The following ST7 variants were observed in gnomAD, a reference collection of about 807,000 sequenced individuals.
ST7 encodes the protein suppressor of tumorigenicity 7 protein.
Under a neutral mutation model 78.7 loss-of-function variants are expected in ST7, and 28 were observed. That is an observed-to-expected ratio of 0.36 (90% CI 0.26 to 0.49). The LOEUF (loss-of-function observed/expected upper bound fraction) is 0.49. Ranked by LOEUF, ST7 falls within the 20% of genes least tolerant of loss-of-function variation. The probability of loss-of-function intolerance (pLI) is 0.99; values close to 1 mark genes in which losing one functional copy is unlikely to be tolerated. For missense variants in ST7, 418 were observed against 696.0 expected, an observed-to-expected ratio of 0.60 and a Z score of 4.49; for synonymous variants, 247 against 249.6, an observed-to-expected ratio of 0.99 and a Z score of 0.10.
chr7:117,164,313 A>ACC (rs78593672), intron 9 of ST7, among the ~76,000 whole-genome samples: 12 of 151,168 alleles, frequency 7.9e-5, no homozygotes, highest in East Asian at 3.9e-4. Flanking sequence ...ATAAAACTAG[A>ACC]CCCCCCCACC....
chr7:117,188,651 G>C (rs1028893906), intron 10 of ST7, among the ~76,000 whole-genome samples: 2 of 152,058 alleles, frequency 1.3e-5, no homozygotes, highest in African/African-American at 4.8e-5. Flanking sequence ...GACAAGTGAG[G>C]CTTCATATGA....
chr7:117,052,872 C>T lies in ST7; in HGVS notation c.152-46890C>T, dbSNP rs143844107. On this transcript the variant is annotated intron_variant, in intron 1 of 15. Coordinates refer to ENST00000323984, the MANE Select transcript of ST7 (RefSeq NM_001369598.1). ...TCGCGCCACTGCACTGCAGCCTGGGCGACACAGCAAGATTACATCTCAAAA... is the reference window on the plus strand; with the variant it reads ...TCGCGCCACTGCACTGCAGCCTGGGTGACACAGCAAGATTACATCTCAAAA... Among the ~76,000 whole-genome samples, 1,481 of 152,194 alleles carry T rather than the reference C, an allele frequency of 9.7e-3. 35 individuals are homozygous for T. The highest frequency in any genetic ancestry group is 0.034 in the African/African-American group (1,404 of 41,518).
At chr7:117,064,983 G>A (rs892188818) in intron 1 of ST7, among the ~76,000 whole-genome samples, 2 of 152,106 alleles carry the variant, frequency 1.3e-5, no homozygotes, top group African/African-American at 4.8e-5. Flanking sequence ...TTTCCTTTGG[G>A]TGTATCTCTT....
intron 9 of ST7, among the ~76,000 whole-genome samples, chr7:117,138,762 C>T (rs980805430): frequency 1.3e-5 from 2 of 152,172 alleles, no homozygotes; most frequent in Non-Finnish European, 2.9e-5. Context: ...ACAACAATAA[C>T]AGTCCTCACA....
chr7:117,041,917 A>T (rs1337811452), intron 1 of ST7, among the ~76,000 whole-genome samples: 1 of 152,210 alleles, frequency 6.6e-6, no homozygotes, highest in Non-Finnish European at 1.5e-5. Context: ...GTGTAATCAC[A>T]AGGGTCCTTA....
chr7:117,107,855 C>T (rs1174014554), intron 2 of ST7, among the ~76,000 whole-genome samples: 2 of 151,774 alleles, frequency 1.3e-5, no homozygotes, highest in Admixed American at 6.6e-5. Context: ...CCTCAGGTGA[C>T]CCACCTGCCT....
intron 1 of ST7, among the ~76,000 whole-genome samples, chr7:117,045,117 A>G (rs1797429173): frequency 6.6e-6 from 1 of 151,956 alleles, no homozygotes; most frequent in South Asian, 2.1e-4. Context: ...CACCATTACT[A>G]CCTTAGTCCA....
intron 1 of ST7, among the ~76,000 whole-genome samples, chr7:117,065,501 G>A (rs1306565795): frequency 6.6e-6 from 1 of 152,154 alleles, no homozygotes; most frequent in African/African-American, 2.4e-5. Flanking sequence ...GAGCCACTGC[G>A]CCCGGCCTGA....
intron 1 of ST7, among the ~76,000 whole-genome samples, chr7:117,075,624 G>A (rs1349968268): frequency 1.3e-5 from 2 of 152,174 alleles, no homozygotes; most frequent in Non-Finnish European, 2.9e-5. Flanking sequence ...TCTGTGTGAG[G>A]CCTGAACCAG....
chr7:117,014,809 T>A (rs1258334231), intron 1 of ST7: 1 of 384,000 alleles, frequency 2.6e-6, no homozygotes, highest in African/African-American at 2.1e-5. Context: ...AAGGACGACT[T>A]TAAAAGACCA....
At chr7:117,063,527 G>A (rs974461674) in intron 1 of ST7, among the ~76,000 whole-genome samples, 4 of 151,996 alleles carry the variant, frequency 2.6e-5, no homozygotes, top group Non-Finnish European at 4.4e-5. Context: ...TGGGCACTGT[G>A]GTGAAAGCCT....
rs1301167572 is a variant in ST7 at position 117,035,139 on chromosome 7, TTTA to T, written c.152-64622_152-64620del. ...GGGCAGTTTTTTTTTTTTTTTTTTT[TTTA>T]AAGATATAAAATACACAGGTCCCTG... On this transcript the variant is annotated intron_variant, in intron 1 of 15. Coordinates refer to ENST00000323984, the MANE Select transcript of ST7 (RefSeq NM_001369598.1). 1.5e-3 allele frequency among the ~76,000 whole-genome samples: 138 copies of T among 89,492 alleles called. 1 individual carries two copies. Among genetic ancestry groups the T allele is most frequent in the African/African-American group, 5.3e-3 (128 of 24,242 alleles). The allele number at this position is 89,492 out of a possible 152,430, so 58.7% of individuals were successfully genotyped here.
intron 1 of ST7, among the ~76,000 whole-genome samples, chr7:117,046,967 C>T (rs1446163974): frequency 6.6e-6 from 1 of 152,148 alleles, no homozygotes. Flanking sequence ...ATTGTACTTA[C>T]CTAACAGTGT....
At chr7:117,028,365 T>C (rs1293790463) in intron 1 of ST7, among the ~76,000 whole-genome samples, 2 of 152,192 alleles carry the variant, frequency 1.3e-5, no homozygotes, top group Non-Finnish European at 2.9e-5. Context: ...ACTGTTAAGA[T>C]TGAGGCTTTT....
In ST7 at chr7:116,965,589, T is replaced by A. The variant is rs558836447; in HGVS notation, c.151+11898T>A. Among the ~76,000 whole-genome samples the A allele has an allele frequency of 1.4e-4, 22 of 152,282 alleles. No homozygotes were observed. The South Asian group carries it at 3.1e-3, about 21-fold the overall frequency. On this transcript the variant is annotated intron_variant, in intron 1 of 15. Coordinates refer to ENST00000323984, the MANE Select transcript of ST7 (RefSeq NM_001369598.1). ...ACTTAAAGTATAATAAAAATTTTTT[T>A]AAAAAGTATTCCTATAAATGTTTTG...
intron 1 of ST7, among the ~76,000 whole-genome samples, chr7:117,066,818 A>G (rs1347263599): frequency 6.6e-6 from 1 of 151,526 alleles, no homozygotes; most frequent in Non-Finnish European, 1.5e-5. Context: ...GTATGTTCAC[A>G]GAGTTGTGCA....
chr7:117,166,134 A>G (rs1472675012), intron 9 of ST7, among the ~76,000 whole-genome samples: 3 of 152,202 alleles, frequency 2.0e-5, no homozygotes, highest in African/African-American at 7.2e-5. Context: ...ATCACCTTTA[A>G]TATCATCAAC....
chr7:116,996,373 G>A (rs569221431), intron 1 of ST7, among the ~76,000 whole-genome samples: 98 of 152,206 alleles, frequency 6.4e-4, no homozygotes, highest in Admixed American at 7.2e-4. Flanking sequence ...CACTATGCCC[G>A]GCCAATTCCC....
intron 9 of ST7, among the ~76,000 whole-genome samples, chr7:117,164,742 G>T (rs1218996799): frequency 6.6e-6 from 1 of 151,864 alleles, no homozygotes; most frequent in East Asian, 1.9e-4. Flanking sequence ...TAGAAACTAG[G>T]GTTCTGATGT....
Sources: gnomAD v4.1 joint callset for allele counts (sites outside exome capture counted in the v4.1 genomes callset) on GRCh38, gnomAD v4.1.1 for gene constraint, MANE v1.5 for transcripts, NCBI Gene and HGNC (gene_info 2026-07-23, HGNC 2026-07-21) for gene names.